Variants in RIGI observed in about 807,000 individuals in gnomAD.
RIGI encodes RNA sensor RIG-I, also known as antiviral innate immune response receptor RIG-I.
At chr9:32,499,734 G>A in the RIGI span, among the ~76,000 whole-genome samples, 3 of 151,982 alleles carry the variant, frequency 2.0e-5, no homozygotes, top group African/African-American at 7.3e-5. Context: ...GGGATTACAG[G>A]TGTGAGCCAC....
At chr9:32,496,889 C>G in the RIGI span, among the ~76,000 whole-genome samples, 1 of 152,138 alleles carries the variant, frequency 6.6e-6, no homozygotes, top group Non-Finnish European at 1.5e-5. Flanking sequence ...GAATTTATTT[C>G]TGGGTGCTCT....
At chr9:32,493,716 T>A in the RIGI span, 6 of 1,278,902 alleles carry the variant, frequency 4.7e-6, no homozygotes, top group Non-Finnish European at 6.6e-6. Flanking sequence ...GACCTTCCCA[T>A]GTTATAATTA....
At chr9:32,510,987 G>GA in the RIGI span, among the ~76,000 whole-genome samples, 1 of 151,418 alleles carries the variant, frequency 6.6e-6, no homozygotes, top group African/African-American at 2.4e-5. Context: ...TCAAAAAAGA[G>GA]AAAGAAGGGC....
the RIGI span, among the ~76,000 whole-genome samples, chr9:32,493,283 C>A: frequency 6.6e-6 from 1 of 152,062 alleles, no homozygotes; most frequent in Admixed American, 6.5e-5. Flanking sequence ...GAAAATAGGG[C>A]AAACTTCAAA....
chr9:32,509,596 A>G, the RIGI span, among the ~76,000 whole-genome samples: 1 of 152,218 alleles, frequency 6.6e-6, no homozygotes, highest in Admixed American at 6.5e-5. Context: ...AAGGTCACCA[A>G]CATGAAAGAC....
chr9:32,510,717 G>A, the RIGI span, among the ~76,000 whole-genome samples: 2 of 152,108 alleles, frequency 1.3e-5, no homozygotes, highest in South Asian at 4.2e-4. Context: ...ATAATGACAG[G>A]ATCAAATTCA....
the RIGI span, among the ~76,000 whole-genome samples, chr9:32,509,412 C>G: frequency 6.6e-6 from 1 of 152,200 alleles, no homozygotes; most frequent in Non-Finnish European, 1.5e-5. Flanking sequence ...GAACAGGCAG[C>G]AATCTTTGCT....
chr9:32,470,346 T>A, the RIGI span, among the ~76,000 whole-genome samples: 1 of 152,228 alleles, frequency 6.6e-6, no homozygotes. Flanking sequence ...TACTTTAGGC[T>A]CTGTGGGTCA....
At chr9:32,466,824 C>T in the RIGI span, among the ~76,000 whole-genome samples, 12 of 152,030 alleles carry the variant, frequency 7.9e-5, no homozygotes, top group East Asian at 7.7e-4. Flanking sequence ...ATTAGACAGC[C>T]GTACTGTCAG....
the RIGI span, among the ~76,000 whole-genome samples, chr9:32,481,024 A>G: frequency 3.3e-5 from 5 of 152,316 alleles, no homozygotes; most frequent in African/African-American, 9.6e-5. Flanking sequence ...CTGTCACTGG[A>G]CTGGTCTTGT....
chr9:32,460,432 C>T, the RIGI span, among the ~76,000 whole-genome samples: 1 of 151,846 alleles, frequency 6.6e-6, no homozygotes, highest in Non-Finnish European at 1.5e-5. Context: ...GAACCATGGA[C>T]ATGATATTAT....
At chr9:32,488,881 C>T in the RIGI span, 41 of 1,601,420 alleles carry the variant, frequency 2.6e-5, no homozygotes, top group Non-Finnish European at 3.5e-5. Flanking sequence ...AAAGGTTTTT[C>T]CACAACCTTT....
the RIGI span, among the ~76,000 whole-genome samples, chr9:32,459,754 G>C: frequency 6.6e-6 from 1 of 152,024 alleles, no homozygotes. Flanking sequence ...CATCAAAAAT[G>C]CTCATAAAAG....
chr9:32,462,404 C>CTTT, the RIGI span, among the ~76,000 whole-genome samples: 279 of 85,894 alleles, frequency 3.2e-3, 4 homozygotes, highest in East Asian at 6.4e-3. Flanking sequence ...TTAGATCTAG[C>CTTT]TTTTTTTTTT....
the RIGI span, chr9:32,467,926 G>A: frequency 2.5e-6 from 4 of 1,585,958 alleles, no homozygotes; most frequent in Non-Finnish European, 3.4e-6. Flanking sequence ...TGCCGGGAGG[G>A]TCATTCCTGT....
the RIGI span, among the ~76,000 whole-genome samples, chr9:32,512,916 T>A: frequency 2.0e-5 from 3 of 152,050 alleles, no homozygotes; most frequent in East Asian, 3.9e-4. Flanking sequence ...AGCATTCCTA[T>A]ACACCAATAA....
the RIGI span, among the ~76,000 whole-genome samples, chr9:32,493,524 G>A: frequency 2.1e-3 from 50 of 23,938 alleles, no homozygotes; most frequent in African/African-American, 9.3e-3. Flanking sequence ...CTCGAGAGGC[G>A]AGGCAGGAGA....
the RIGI span, among the ~76,000 whole-genome samples, chr9:32,476,529 CAGTG>C: frequency 6.6e-6 from 1 of 151,906 alleles, no homozygotes; most frequent in Admixed American, 6.6e-5. Flanking sequence ...AAAAACAACA[CAGTG>C]AGGCATTAGA....
At chr9:32,467,015 G>T in the RIGI span, among the ~76,000 whole-genome samples, 1 of 152,088 alleles carries the variant, frequency 6.6e-6, no homozygotes, top group Admixed American at 6.6e-5. Context: ...GATATAAAAG[G>T]TTATAGGCTT....
Sources: allele counts gnomAD v4.1 joint callset (sites outside exome capture counted in the v4.1 genomes callset), GRCh38; gene constraint gnomAD v4.1.1; transcripts MANE v1.5; gene names NCBI Gene and HGNC (gene_info 2026-07-23, HGNC 2026-07-21).